The following DYNC2H1 variants were observed in gnomAD, a reference collection of about 807,000 sequenced individuals.
DYNC2H1 encodes dynein cytoplasmic 2 heavy chain 1.
DYNC2H1 carries 410 observed loss-of-function variants against 570.0 expected under a neutral mutation model. That is an observed-to-expected ratio of 0.72 (90% CI 0.66 to 0.78). DYNC2H1 has a LOEUF of 0.78. Ranked by LOEUF, DYNC2H1 falls within the 30% of genes least tolerant of loss-of-function variation. The pLI is 0.00. For synonymous variants in DYNC2H1, 1,688 were observed against 1,677.6 expected (o/e 1.01, Z -0.15); for missense variants, 4,865 against 5,046.4 (o/e 0.96, Z 1.09).
At chr11:103,295,812 A>G (rs1049070541) in intron 75 of DYNC2H1, among the ~76,000 whole-genome samples, 8 of 152,196 alleles carry the variant, frequency 5.3e-5, no homozygotes, top group Admixed American at 3.3e-4. Context: ...TCCTGCTTCA[A>G]GTTAGCTCAC....
chr11:103,312,065 A>T (rs1475351589), intron 79 of DYNC2H1, 32 bp downstream of exon 79: 5 of 1,575,662 alleles, frequency 3.2e-6, no homozygotes, highest in Non-Finnish European at 4.3e-6. Flanking sequence ...ATACATTCTA[A>T]GCTTTATATT....
Position 103,241,512 on chromosome 11 carries a change from AT to A in DYNC2H1, c.9820-2178del. On this transcript the variant is annotated intron_variant, in intron 63 of 88. Coordinates refer to ENST00000375735, the MANE Select transcript of DYNC2H1 (RefSeq NM_001377.3). The surrounding 1 kb of genome is among the most constrained non-coding windows in gnomAD (Gnocchi z 5.1). The stretch of plus-strand genomic sequence containing the variant: ...TTGAAATGTTACCTTTCTTCTTTTC[AT>A]TTAACTGCATCAGATCATTGGTTTG... The A allele has an allele frequency of 6.3e-7, 1 of 1,592,480 alleles. No homozygotes were observed. Among genetic ancestry groups the A allele is most frequent in the Non-Finnish European group, 8.6e-7 (1 of 1,163,926 alleles).
In DYNC2H1 at chr11:103,203,868, G is replaced by A; in HGVS notation, c.8311+92G>A. 8 of 847,064 alleles carry A rather than the reference G, an allele frequency of 9.4e-6. 1 individual carries two copies. The highest frequency in any genetic ancestry group is 1.7e-5 in the African/African-American group (1 of 57,774). The allele number at this position is 847,064 out of a possible 1,614,324, so 52.5% of individuals were successfully genotyped here. ...CCTTATTTTGTCATTAGATTGCAAAGGTATCTTAAATCTTTTTTCTGGAGC... is the reference window on the plus strand; with the variant it reads ...CCTTATTTTGTCATTAGATTGCAAAAGTATCTTAAATCTTTTTTCTGGAGC... On this transcript the variant is annotated intron_variant, in intron 51 of 88. Coordinates refer to ENST00000375735, the MANE Select transcript of DYNC2H1 (RefSeq NM_001377.3). The surrounding 1 kb of genome is among the most constrained non-coding windows in gnomAD (Gnocchi z 4.7).
In DYNC2H1 at chr11:103,179,239, C is replaced by G; in HGVS notation, c.6347+6C>G. ...ATGGGAATGATCTTTCTTAGGTAAG[C>G]CATAGATTATTTATATACAGTATAT... On this transcript the variant is annotated splice_donor_region_variant and intron_variant, in intron 39 of 88. Coordinates refer to ENST00000375735, the MANE Select transcript of DYNC2H1 (RefSeq NM_001377.3). The G allele has an allele frequency of 6.2e-7, 1 of 1,611,556 alleles. No homozygotes were observed. The highest frequency in any genetic ancestry group is 8.5e-7 in the Non-Finnish European group (1 of 1,178,292).
chr11:103,188,325 A>G (rs1862159201), intron 43 of DYNC2H1, among the ~76,000 whole-genome samples, 172 bp from the exon 44 acceptor site: 1 of 152,086 alleles, frequency 6.6e-6, no homozygotes, highest in Admixed American at 6.6e-5. Flanking sequence ...AGATTTGAAC[A>G]GTATTATTTT....
intron 53 of DYNC2H1, 112 bp downstream of exon 53, chr11:103,210,072 G>A (rs1197258550): frequency 1.1e-5 from 13 of 1,210,272 alleles, no homozygotes; most frequent in African/African-American, 1.6e-5. Context: ...ATAATGCTAA[G>A]TGTAACAAAA....
At chr11:103,134,628 G>A (rs1037685878) in intron 15 of DYNC2H1, among the ~76,000 whole-genome samples, 1 of 152,024 alleles carries the variant, frequency 6.6e-6, no homozygotes, top group African/African-American at 2.4e-5. Flanking sequence ...ATAAGTTCCT[G>A]TAGTGTCTTA....
intron 36 of DYNC2H1, among the ~76,000 whole-genome samples, chr11:103,175,812 T>C (rs1348778614): frequency 2.0e-5 from 3 of 152,190 alleles, no homozygotes; most frequent in Admixed American, 2.0e-4. Context: ...TGCTGTGCCT[T>C]TTCTGAAAGT....
chr11:103,470,321 T>A (rs1033762404), intron 88 of DYNC2H1, among the ~76,000 whole-genome samples: 1 of 152,168 alleles, frequency 6.6e-6, no homozygotes, highest in Non-Finnish European at 1.5e-5. Flanking sequence ...AATAAAAAGC[T>A]AATTTAATTT....
Position 103,245,458 on chromosome 11 carries a change from TC to T in DYNC2H1, c.10042+86del. 5 of 1,390,126 alleles carry T rather than the reference TC, an allele frequency of 3.6e-6. No individual in the cohort carries two copies. The highest frequency in any genetic ancestry group is 4.8e-6 in the Non-Finnish European group (5 of 1,036,444). 86.1% of individuals were successfully genotyped at this position (1,390,126 alleles called of 1,614,324 possible). A position where few individuals can be genotyped will look rare whatever the true frequency, so the allele number is the denominator to read the frequency against. On this transcript the variant is annotated intron_variant, in intron 65 of 88. Coordinates refer to ENST00000375735, the MANE Select transcript of DYNC2H1 (RefSeq NM_001377.3). This position sits in a 1 kb window ranked among gnomAD's most constrained non-coding sequence, Gnocchi z 4.5. Reference sequence around the variant, plus strand: ...TAAACCAGGTGCAAGCTTTCAAGAGTCCTCTTCCAGTGGAGTCACACATGAT... The same window carrying T: ...TAAACCAGGTGCAAGCTTTCAAGAGTCTCTTCCAGTGGAGTCACACATGAT...
At chr11:103,423,184 G>A (rs1240894297) in intron 84 of DYNC2H1, among the ~76,000 whole-genome samples, 5 of 151,766 alleles carry the variant, frequency 3.3e-5, no homozygotes, top group Non-Finnish European at 7.4e-5. Flanking sequence ...GGAAATCAAT[G>A]GAATGAAGAT....
chr11:103,422,770 C>T (rs1324037048), intron 84 of DYNC2H1, among the ~76,000 whole-genome samples: 1 of 152,144 alleles, frequency 6.6e-6, no homozygotes, highest in African/African-American at 2.4e-5. Context: ...CCCTTGAAAA[C>T]TGGCACAAGA....
chr11:103,146,390 T>A (rs1439245460), intron 18 of DYNC2H1, among the ~76,000 whole-genome samples: 1 of 152,158 alleles, frequency 6.6e-6, no homozygotes, highest in African/African-American at 2.4e-5. Flanking sequence ...TTCTCTTTGG[T>A]TAGGACATTA....
intron 82 of DYNC2H1, among the ~76,000 whole-genome samples, chr11:103,330,145 G>A (rs1938701796): frequency 1.3e-5 from 2 of 152,204 alleles, no homozygotes; most frequent in African/African-American, 2.4e-5. Context: ...TTAGTGGGGA[G>A]AGAAATGTGT....
chr11:103,143,244 T>C (rs766049471), intron 17 of DYNC2H1, 24 bp from the exon 18 acceptor site: 2 of 1,608,062 alleles, frequency 1.2e-6, no homozygotes, highest in South Asian at 2.2e-5. Context: ...TCTTTAATAA[T>C]ACATTTTTTC....
Position 103,395,846 on chromosome 11 carries a change from G to A in DYNC2H1, c.12157-3817G>A, listed in dbSNP as rs1272454853. On this transcript the variant is annotated intron_variant, in intron 83 of 88. Coordinates refer to ENST00000375735, the MANE Select transcript of DYNC2H1 (RefSeq NM_001377.3). This position sits in a 1 kb window ranked among gnomAD's most constrained non-coding sequence, Gnocchi z 4.3. ...ACTTGGGAAAGGCTTCTGCCCAGAC[G>A]ATAGGAAATGATTATCTAAAGAGGA... 3.9e-5 allele frequency among the ~76,000 whole-genome samples: 6 copies of A among 152,138 alleles called. No homozygotes were observed. Among genetic ancestry groups the A allele is most frequent in the African/African-American group, 9.7e-5 (4 of 41,426 alleles).
intron 87 of DYNC2H1, among the ~76,000 whole-genome samples, chr11:103,458,483 A>T (rs1944874078): frequency 6.6e-6 from 1 of 152,086 alleles, no homozygotes; most frequent in Non-Finnish European, 1.5e-5. Context: ...AATCAAAAAC[A>T]CTTTGTTCCC....
Position 103,181,935 on chromosome 11 carries a change from T to C in DYNC2H1, c.6477+49T>C. The C allele has an allele frequency of 6.4e-7, 1 of 1,563,068 alleles. No homozygotes were observed. Among genetic ancestry groups the C allele is most frequent in the Non-Finnish European group, 8.7e-7 (1 of 1,149,928 alleles). On this transcript the variant is annotated intron_variant, in intron 40 of 88. Transcript: ENST00000375735. This position sits in a 1 kb window ranked among gnomAD's most constrained non-coding sequence, Gnocchi z 5.0. ...AATTAATCGAGGTGAGAAGTATGATTAAGAGTGATGCTTATTTTAACTTCC... is the reference window on the plus strand; with the variant it reads ...AATTAATCGAGGTGAGAAGTATGATCAAGAGTGATGCTTATTTTAACTTCC...
intron 82 of DYNC2H1, among the ~76,000 whole-genome samples, chr11:103,345,949 G>A (rs1355609624): frequency 6.6e-6 from 1 of 152,076 alleles, no homozygotes. Context: ...TTTTGTATAA[G>A]AGCTACGTAT....
Sources: allele counts gnomAD v4.1 joint callset (sites outside exome capture counted in the v4.1 genomes callset), GRCh38; gene constraint gnomAD v4.1.1; non-coding constraint Gnocchi (gnomAD v3.1); transcripts MANE v1.5; gene names NCBI Gene and HGNC (gene_info 2026-07-23, HGNC 2026-07-21).